The following PSG2 variants were observed in gnomAD, a reference collection of about 807,000 sequenced individuals.
PSG2 encodes the protein pregnancy-specific beta-1-glycoprotein 2.
In PSG2, 49 loss-of-function variants were observed where a neutral mutation model predicts 36.2. That is an observed-to-expected ratio of 1.35 (90% CI 1.08 to 1.72). The LOEUF is 1.72. PSG2 is among the 40% of genes most tolerant of loss of function. The pLI is 0.00. For synonymous variants in PSG2, 261 were observed against 155.6 expected, an observed-to-expected ratio of 1.68 and a Z score of -5.04; for missense variants, 605 against 407.2, an observed-to-expected ratio of 1.49 and a Z score of -4.18.
chr19:43,075,908 C>T (rs932979559), intron 2 of PSG2, among the ~76,000 whole-genome samples: 2 of 151,482 alleles, frequency 1.3e-5, no homozygotes, highest in Non-Finnish European at 2.9e-5. Flanking sequence ...AGTCACAGCC[C>T]CTGGTGCCTC....
chr19:43,072,639 T>C lies in PSG2; in HGVS notation c.710-685A>G, dbSNP rs202152528. The C allele has an allele frequency of 8.6e-5, 139 of 1,610,678 alleles. 1 individual carries two copies. The highest frequency in any genetic ancestry group is 1.1e-4 in the Non-Finnish European group (127 of 1,179,138). ...GGCTTGGGCAGCTTCGCTGTGTGGA[T>C]AACAGAGAGAAGATTGTCCTGTGTG... On this transcript the variant is annotated intron_variant, in intron 3 of 5. Transcript: ENST00000406487.
chr19:43,071,669 C>T (rs1027810433), intron 4 of PSG2, 31 bp downstream of exon 4: 4 of 1,612,516 alleles, frequency 2.5e-6, no homozygotes, highest in African/African-American at 1.3e-5. Context: ...CACCTAAAAC[C>T]CTACTGCCAA....
chr19:43,065,100 C>T (rs538421851), intron 5 of PSG2, among the ~76,000 whole-genome samples: 1 of 151,742 alleles, frequency 6.6e-6, no homozygotes, highest in African/African-American at 2.4e-5. Context: ...CTCCCAAACT[C>T]CTGGGATTGC....
chr19:43,066,337 G>C (rs2122892496), intron 5 of PSG2, among the ~76,000 whole-genome samples, 180 bp downstream of exon 5: 1 of 151,752 alleles, frequency 6.6e-6, no homozygotes, highest in East Asian at 1.9e-4. Flanking sequence ...AAAGACAGTG[G>C]GGTACAGGGA....
intron 3 of PSG2, chr19:43,072,367 G>A: frequency 6.2e-7 from 1 of 1,612,680 alleles, no homozygotes. Flanking sequence ...CATTCAGGGT[G>A]ACTGGGTCAC....
intron 3 of PSG2, 66 bp downstream of exon 3, chr19:43,075,288 G>T: frequency 1.2e-6 from 2 of 1,612,526 alleles, no homozygotes; most frequent in Middle Eastern, 1.7e-4. Flanking sequence ...GGACTGAGAG[G>T]CCTGGCCTCT....
Position 43,075,574 on chromosome 19 carries a change from T to C in PSG2, c.489A>G (p.Glu163=), listed in dbSNP as rs16976433. 5.8e-5 allele frequency: 93 copies of C among 1,613,202 alleles called. 2 individuals carry two copies. Among genetic ancestry groups the C allele is most frequent in the African/African-American group, 2.4e-4 (18 of 74,534 alleles). The change falls in exon 3 of 6, where the codon GAA becomes GAG. Residue 163 remains glutamate (E), a synonymous_variant. Transcript: ENST00000406487. ...SSNLNPREAM[E]TVILTCDPET... is the part of the protein sequence containing the mutation. Reference sequence around the variant, plus strand: ...CAGGATCACAGGTTAAGATCACAGTTTCCATGGCCTCCCTGGGGTTTAAGT... The same window carrying C: ...CAGGATCACAGGTTAAGATCACAGTCTCCATGGCCTCCCTGGGGTTTAAGT...
At chr19:43,071,408 G>C (rs1967814120) in intron 4 of PSG2, among the ~76,000 whole-genome samples, 2 of 151,626 alleles carry the variant, frequency 1.3e-5, no homozygotes, top group African/African-American at 2.4e-5. Context: ...TGATCTTGAG[G>C]ACACTCCTTC....
chr19:43,082,060 G>A (rs756143680), intron 1 of PSG2: 1 of 151,678 alleles, frequency 6.6e-6, no homozygotes, highest in Admixed American at 6.5e-5. Context: ...GTCCCTCTCT[G>A]GTATATTTTC....
chr19:43,066,885 A>G (rs1461691502), intron 4 of PSG2, among the ~76,000 whole-genome samples: 1 of 151,236 alleles, frequency 6.6e-6, no homozygotes, highest in Non-Finnish European at 1.5e-5. Flanking sequence ...CTATGTCATT[A>G]GAACTTGCCA....
At chr19:43,070,393 C>A (rs9917065) in intron 4 of PSG2, among the ~76,000 whole-genome samples, 7,408 of 151,594 alleles carry the variant, frequency 0.049, 811 homozygotes, top group African/African-American at 0.17. Context: ...AATATTTGTG[C>A]ACTGATGTTC....
At chr19:43,069,940 G>A (rs1169123109) in intron 4 of PSG2, among the ~76,000 whole-genome samples, 1 of 151,726 alleles carries the variant, frequency 6.6e-6, no homozygotes, top group Non-Finnish European at 1.5e-5. Context: ...TTATATGTGT[G>A]ATAAGAAATT....
rs769965176 is a variant in PSG2 at position 43,075,438 on chromosome 19, T to G, written c.625A>C (p.Lys209Gln). The stretch of plus-strand genomic sequence containing the variant: ...CATTCATAGGGTCCTGCAGTATACT[T>G]TGTGACACCAAATAGAAAGAGGGTC... ...NRTLFLFGVT[K>Q]YTAGPYECEI... Residue 209 changes from lysine (K) to glutamine (Q), a missense_variant, in exon 3 of 6, where the codon AAG becomes CAG. Lys to Gln is a moderately conservative substitution (Grantham distance 53). Transcript: ENST00000406487. The G allele has an allele frequency of 6.2e-7, 1 of 1,613,184 alleles. No individual in the cohort carries two copies.
chr19:43,064,877 AC>A (rs1346228291), intron 5 of PSG2, among the ~76,000 whole-genome samples: 18 of 151,742 alleles, frequency 1.2e-4, no homozygotes, highest in African/African-American at 4.1e-4. Context: ...TGTCACCCAG[AC>A]TGGAGTGCAG....
rs1222314182 is a variant in PSG2, at chr19:43,066,941, T to C, written c.965-341A>G. Reference sequence around the variant, plus strand: ...TGCATCTTTTTCTCGGTGTTTCTGTTGTGGCAGTCATGAATGAGACTCTGT... The same window carrying C: ...TGCATCTTTTTCTCGGTGTTTCTGTCGTGGCAGTCATGAATGAGACTCTGT... On this transcript the variant is annotated intron_variant, in intron 4 of 5. Transcript: ENST00000406487. Among the ~76,000 whole-genome samples, 5 of 151,458 alleles carry C rather than the reference T, an allele frequency of 3.3e-5. 1 individual carries two copies. The highest frequency in any genetic ancestry group is 2.0e-4 in the Admixed American group (3 of 15,232).
Position 43,082,700 on chromosome 19 carries a change from C to T in PSG2, c.-131G>A, listed in dbSNP as rs1006752051. 10 of 1,437,438 alleles carry T rather than the reference C, an allele frequency of 7.0e-6. No individual in the cohort carries two copies. In the African/African-American group the frequency reaches 1.3e-4, roughly 19 times the overall value. 89.0% of individuals were successfully genotyped at this position (1,437,438 alleles called of 1,614,324 possible). The stretch of plus-strand genomic sequence containing the variant: ...CCTCTTCCTGGGGCAGCAGCAATTC[C>T]CAGGCTCATGGGTGGGGTCAGGCCC... On this transcript the variant is annotated 5_prime_UTR_variant, in exon 1 of 6. Transcript: ENST00000406487.
At chr19:43,079,866 G>A (rs1368750763) in intron 2 of PSG2, among the ~76,000 whole-genome samples, 2 of 151,588 alleles carry the variant, frequency 1.3e-5, no homozygotes, top group Non-Finnish European at 2.9e-5. Flanking sequence ...AGGAGAGGAA[G>A]GGCCTGTGGC....
chr19:43,072,873 CA>C (rs773933489), intron 3 of PSG2, among the ~76,000 whole-genome samples: 1 of 151,680 alleles, frequency 6.6e-6, no homozygotes, highest in Non-Finnish European at 1.5e-5. Context: ...AGTGTTGGGT[CA>C]TGGACAGACA....
intron 5 of PSG2, 70 bp downstream of exon 5, chr19:43,066,447 A>C: frequency 8.7e-7 from 1 of 1,144,228 alleles, no homozygotes; most frequent in Non-Finnish European, 1.3e-6. Context: ...CAGGCAAATA[A>C]GTCTTTTCCC....
Sources: gnomAD v4.1 joint callset for allele counts (sites outside exome capture counted in the v4.1 genomes callset) on GRCh38, gnomAD v4.1.1 for gene constraint, MANE v1.5 for transcripts, NCBI Gene and HGNC (gene_info 2026-07-23, HGNC 2026-07-21) for gene names.